Variants in MGRN1 observed in about 807,000 individuals in gnomAD.
The protein encoded by MGRN1 is E3 ubiquitin-protein ligase MGRN1.
MGRN1 carries 29 observed loss-of-function variants against 69.2 expected under a neutral mutation model. The observed-to-expected ratio is 0.42, with a 90% CI of 0.31 to 0.57. MGRN1 has a LOEUF of 0.57. Among genes scored for constraint, MGRN1 ranks in the 20% least tolerant of loss-of-function variants. The pLI, the probability that MGRN1 is intolerant of heterozygous loss-of-function variation, is 0.15. For synonymous variants in MGRN1, 470 were observed against 344.2 expected, an observed-to-expected ratio of 1.37 and a Z score of -4.04; for missense variants, 998 against 796.2, an observed-to-expected ratio of 1.25 and a Z score of -3.05.
intron 10 of MGRN1, among the ~76,000 whole-genome samples, chr16:4,673,907 C>G (rs1307345644): frequency 6.6e-6 from 1 of 152,246 alleles, no homozygotes; most frequent in Non-Finnish European, 1.5e-5. Context: ...GCTTGCAGAA[C>G]AAAGGGCTAC....
intron 1 of MGRN1, among the ~76,000 whole-genome samples, chr16:4,647,675 T>A (rs187193387): frequency 3.9e-5 from 6 of 152,252 alleles, no homozygotes; most frequent in African/African-American, 1.2e-4. Context: ...GCAAATACTC[T>A]GTGACTCGCT....
In MGRN1 at chr16:4,669,005, CAT is replaced by C. The variant is rs572295621; in HGVS notation, c.726+695_726+696del. 3.9e-3 allele frequency: 484 copies of C among 125,184 alleles called. 2 individuals are homozygous for C. The highest frequency in any genetic ancestry group is 0.012 in the African/African-American group (462 of 38,530). The allele number at this position is 125,184 out of a possible 1,614,324, so 7.8% of individuals were successfully genotyped here. ...ACATATACAAAGACGCATACACTCA[CAT>C]AGACACACACACATACACATATGTA... On this transcript the variant is annotated intron_variant, in intron 8 of 16. Coordinates refer to ENST00000262370, the MANE Select transcript of MGRN1 (RefSeq NM_015246.4).
intron 7 of MGRN1, 79 bp from the exon 8 acceptor site, chr16:4,668,186 G>A: frequency 7.6e-7 from 1 of 1,312,628 alleles, no homozygotes; most frequent in Non-Finnish European, 1.1e-6. Flanking sequence ...GGGCAGGGTG[G>A]CCAACCCAGG....
At chr16:4,681,260 A>G (rs2141975537) in intron 12 of MGRN1, 2 of 450,588 alleles carry the variant, frequency 4.4e-6, no homozygotes, top group East Asian at 4.1e-5. Context: ...GGCGGGACTG[A>G]AAGCCAGGGA....
chr16:4,641,871 C>T (rs1407421053), intron 1 of MGRN1, among the ~76,000 whole-genome samples: 1 of 151,580 alleles, frequency 6.6e-6, no homozygotes. Context: ...CCAGGCTGGT[C>T]TGAAATTCGT....
chr16:4,640,249 C>A (rs2078128389), intron 1 of MGRN1: 1 of 152,416 alleles, frequency 6.6e-6, no homozygotes, highest in African/African-American at 2.4e-5. Flanking sequence ...TGTCCCCCTC[C>A]CCTGGCCATC....
rs531284859 is a variant in MGRN1, at chr16:4,652,529, T to A, written c.297-149T>A. 160 of 1,049,350 alleles carry A rather than the reference T, an allele frequency of 1.5e-4. No homozygotes were observed. In the African/African-American group the frequency reaches 2.4e-3, roughly 16 times the overall value. The allele number at this position is 1,049,350 out of a possible 1,614,324, so 65.0% of individuals were successfully genotyped here. ...AGCCCTGGACCACTGGGCTTTCATG[T>A]ACAAATAGGAAACAGCCCCTATGTC... On this transcript the variant is annotated intron_variant, in intron 3 of 16. Transcript: ENST00000262370.
chr16:4,653,468 G>A (rs1032260443), intron 4 of MGRN1, among the ~76,000 whole-genome samples: 9 of 152,122 alleles, frequency 5.9e-5, no homozygotes, highest in Non-Finnish European at 1.3e-4. Context: ...CTGAAATTCA[G>A]TTCCAGGTTT....
chr16:4,653,087 C>A (rs775425162), intron 4 of MGRN1, among the ~76,000 whole-genome samples: 1 of 152,176 alleles, frequency 6.6e-6, no homozygotes, highest in Non-Finnish European at 1.5e-5. Flanking sequence ...GGGCCCAGTC[C>A]CACAAGACTG....
chr16:4,652,915 A>G, intron 4 of MGRN1, 91 bp downstream of exon 4: 1 of 1,413,976 alleles, frequency 7.1e-7, no homozygotes, highest in South Asian at 1.5e-5. Context: ...AGAGGGAGAA[A>G]ACCAAACCGT....
chr16:4,664,903 A>G, intron 6 of MGRN1, 128 bp downstream of exon 6: 3 of 1,340,160 alleles, frequency 2.2e-6, no homozygotes, highest in Non-Finnish European at 3.2e-6. Context: ...CCCACAGGGC[A>G]GGGTGTGAGC....
At chr16:4,683,692 G>A (rs2079241667) in intron 15 of MGRN1, 151 bp from the exon 16 acceptor site, 3 of 617,514 alleles carry the variant, frequency 4.9e-6, no homozygotes, top group Non-Finnish European at 8.5e-6. Flanking sequence ...GAGAGCAGGT[G>A]GGGTCACGGT....
chr16:4,668,511 A>G (rs968330545), intron 8 of MGRN1, among the ~76,000 whole-genome samples, 199 bp downstream of exon 8: 3 of 152,020 alleles, frequency 2.0e-5, no homozygotes, highest in Non-Finnish European at 4.4e-5. Flanking sequence ...TCACACATAT[A>G]TAGACACATA....
chr16:4,664,902 C>A, intron 6 of MGRN1, 127 bp downstream of exon 6: 1 of 1,349,924 alleles, frequency 7.4e-7, no homozygotes, highest in Non-Finnish European at 1.0e-6. Context: ...TCCCACAGGG[C>A]AGGGTGTGAG....
At chr16:4,679,054 A>G (rs781020386) in intron 11 of MGRN1, among the ~76,000 whole-genome samples, 1 of 152,216 alleles carries the variant, frequency 6.6e-6, no homozygotes, top group Non-Finnish European at 1.5e-5. Context: ...CTGTCAACCC[A>G]GGCCCTCTAG....
chr16:4,668,100 C>CT (rs1262954109), intron 7 of MGRN1, among the ~76,000 whole-genome samples, 165 bp from the exon 8 acceptor site: 1 of 150,720 alleles, frequency 6.6e-6, no homozygotes, highest in African/African-American at 2.4e-5. Flanking sequence ...AATCCCGGCT[C>CT]TTTCGCTGTC....
At chr16:4,641,835 G>A (rs372341921) in intron 1 of MGRN1, among the ~76,000 whole-genome samples, 1 of 152,026 alleles carries the variant, frequency 6.6e-6, no homozygotes. Flanking sequence ...TGTATTTTTT[G>A]TAGAGACAGG....
intron 1 of MGRN1, among the ~76,000 whole-genome samples, chr16:4,642,614 G>A (rs112344067): frequency 0.062 from 9,385 of 151,416 alleles, 958 homozygotes; most frequent in African/African-American, 0.22. Context: ...GTGAGCCACC[G>A]CACCCGGCCC....
At chr16:4,659,986 G>C (rs760579313) in intron 5 of MGRN1, among the ~76,000 whole-genome samples, 2 of 152,210 alleles carry the variant, frequency 1.3e-5, no homozygotes, top group South Asian at 4.1e-4. Flanking sequence ...TGGGGCGGGG[G>C]CCTCCCGTCC....
Sources: allele counts gnomAD v4.1 joint callset (sites outside exome capture counted in the v4.1 genomes callset), GRCh38; gene constraint gnomAD v4.1.1; transcripts MANE v1.5; gene names NCBI Gene and HGNC (gene_info 2026-07-23, HGNC 2026-07-21).